The following PDXDC1 variants were observed in gnomAD, a reference collection of about 807,000 sequenced individuals.
PDXDC1 encodes the protein pyridoxal-dependent decarboxylase domain-containing protein 1.
PDXDC1 carries 42 observed loss-of-function variants against 100.1 expected under a neutral mutation model. That is an observed-to-expected ratio of 0.42 (90% CI 0.33 to 0.54). PDXDC1 has a LOEUF of 0.54. Among genes scored for constraint, PDXDC1 ranks in the 20% least tolerant of loss-of-function variants. The pLI is 0.10. For missense variants in PDXDC1, 636 were observed against 979.2 expected (o/e 0.65, Z 4.68); for synonymous variants, 260 against 371.7 (o/e 0.70, Z 3.46).
intron 16 of PDXDC1, among the ~76,000 whole-genome samples, chr16:15,122,766 G>A (rs1346496816): frequency 1.4e-5 from 2 of 144,636 alleles, no homozygotes; most frequent in African/African-American, 5.1e-5. Flanking sequence ...AGGTGGAGGT[G>A]GCTTAGGGCA....
At chr16:15,128,496 C>T (rs889562026) in intron 16 of PDXDC1, 18 of 694,428 alleles carry the variant, frequency 2.6e-5, no homozygotes, top group Admixed American at 1.3e-4. Context: ...AGGAGCCACA[C>T]AGGCAGTCCC....
intron 16 of PDXDC1, among the ~76,000 whole-genome samples, chr16:15,075,251 A>AT (rs1330254240): frequency 7.5e-6 from 1 of 133,222 alleles, no homozygotes; most frequent in Non-Finnish European, 1.6e-5. Flanking sequence ...GTGCCCCACC[A>AT]AAAAAAAAAA....
At chr16:15,054,946 A>G (rs1201527531) in intron 16 of PDXDC1, among the ~76,000 whole-genome samples, 1 of 152,128 alleles carries the variant, frequency 6.6e-6, no homozygotes, top group Non-Finnish European at 1.5e-5. Flanking sequence ...TTCCCATCTC[A>G]GAGTGAAAGG....
chr16:15,029,702 G>C, intron 15 of PDXDC1: 1 of 576,316 alleles, frequency 1.7e-6, no homozygotes, highest in South Asian at 2.4e-5. Context: ...ATATATTGTG[G>C]GTCATTGTTA....
chr16:14,999,202 G>A (rs1230268667), intron 3 of PDXDC1, among the ~76,000 whole-genome samples: 3 of 152,282 alleles, frequency 2.0e-5, no homozygotes, highest in Non-Finnish European at 4.4e-5. Context: ...GAGTGGCTGG[G>A]ATTATAGGCA....
the PDXDC1 span, among the ~76,000 whole-genome samples, chr16:15,152,093 G>A: frequency 3.9e-4 from 58 of 148,328 alleles, no homozygotes; most frequent in East Asian, 7.2e-3. Flanking sequence ...TTTGCAGTAC[G>A]CCATCTTTTC....
intron 16 of PDXDC1, among the ~76,000 whole-genome samples, chr16:15,129,167 G>C (rs1302857693): frequency 6.6e-6 from 1 of 151,826 alleles, no homozygotes; most frequent in African/African-American, 2.4e-5. Context: ...AAGCAGCACG[G>C]AAATAAAAAA....
intron 4 of PDXDC1, among the ~76,000 whole-genome samples, 177 bp from the exon 5 acceptor site, chr16:15,004,010 C>T (rs1396321829): frequency 3.9e-5 from 6 of 152,270 alleles, no homozygotes; most frequent in Non-Finnish European, 8.8e-5. Context: ...TTTTTTTCTC[C>T]ATCTCAAAAA....
At chr16:15,152,058 C>T in the PDXDC1 span, among the ~76,000 whole-genome samples, 2 of 149,536 alleles carry the variant, frequency 1.3e-5, no homozygotes, top group Non-Finnish European at 3.0e-5. Context: ...CCCCACGGAG[C>T]TTCGAGCCAC....
downstream of PDXDC1, chr16:15,041,044 C>A: frequency 6.4e-7 from 1 of 1,553,690 alleles, no homozygotes; most frequent in Non-Finnish European, 8.9e-7. Context: ...AGACTCCAAC[C>A]CACAAAAGAT....
intron 16 of PDXDC1, among the ~76,000 whole-genome samples, chr16:15,057,082 C>G (rs1361648759): frequency 6.6e-6 from 1 of 152,134 alleles, no homozygotes; most frequent in Non-Finnish European, 1.5e-5. Flanking sequence ...ACAAAAGATA[C>G]AGAGGAGCCA....
chr16:15,131,325 C>A, intron 16 of PDXDC1: 2 of 1,565,726 alleles, frequency 1.3e-6, no homozygotes, highest in East Asian at 2.2e-5. Flanking sequence ...CCATCGAGGC[C>A]ACCTTGGTGG....
intron 16 of PDXDC1, among the ~76,000 whole-genome samples, chr16:15,068,944 A>C (rs1201817608): frequency 1.3e-5 from 2 of 152,212 alleles, no homozygotes; most frequent in Non-Finnish European, 2.9e-5. Context: ...AAATTACCTA[A>C]ATGGGATGTC....
At chr16:15,122,672 AG>A (rs2047480752) in intron 16 of PDXDC1, among the ~76,000 whole-genome samples, 1 of 150,974 alleles carries the variant, frequency 6.6e-6, no homozygotes, top group African/African-American at 2.4e-5. Context: ...AAATCCCAGC[AG>A]GAGCCAAAAG....
At chr16:15,145,370 C>T in the PDXDC1 span, among the ~76,000 whole-genome samples, 35 of 152,360 alleles carry the variant, frequency 2.3e-4, no homozygotes, top group East Asian at 4.2e-3. Context: ...GCTCACAACC[C>T]GGAGCCCCTG....
At position 15,036,010 on chromosome 16, in the gene PDXDC1, C is replaced by A; in HGVS notation, c.2108-6C>A. The A allele has an allele frequency of 6.2e-7, 1 of 1,608,444 alleles. No individual in the cohort carries two copies. ...TTTCAGCGCAGTCTGTCTGCCCTTT[C>A]TGTAGGCCAGAAGCCTTTTAAAAGG... On this transcript the variant is annotated splice_region_variant and splice_polypyrimidine_tract_variant and intron_variant, in intron 22 of 22. Transcript: ENST00000396410.
intron 16 of PDXDC1, among the ~76,000 whole-genome samples, chr16:15,122,128 C>T (rs1316051186): frequency 6.6e-6 from 1 of 152,052 alleles, no homozygotes. Flanking sequence ...CTTGCCACTG[C>T]ACTCCAGCCT....
At chr16:14,990,234 C>G (rs1283504798) in intron 1 of PDXDC1, 2 of 869,270 alleles carry the variant, frequency 2.3e-6, no homozygotes, top group South Asian at 1.1e-4. Flanking sequence ...CCCGGCCGCC[C>G]GTGCCTCACT....
intron 16 of PDXDC1, among the ~76,000 whole-genome samples, chr16:15,109,351 C>T (rs1231197177): frequency 6.9e-6 from 1 of 144,188 alleles, no homozygotes; most frequent in Non-Finnish European, 1.6e-5. Context: ...ATGGTGAACC[C>T]GTCTCTACTA....
Sources: allele counts gnomAD v4.1 joint callset (sites outside exome capture counted in the v4.1 genomes callset), GRCh38; gene constraint gnomAD v4.1.1; transcripts MANE v1.5; gene names NCBI Gene and HGNC (gene_info 2026-07-23, HGNC 2026-07-21).